Variants in CDH4 observed in about 807,000 individuals in gnomAD.
CDH4 encodes the protein cadherin 4, also known as cadherin-4.
In CDH4, 33 loss-of-function variants were observed where a neutral mutation model predicts 86.0. The ratio of observed to expected loss-of-function variants is 0.38; its 90% CI spans 0.29 to 0.51. CDH4 has a LOEUF of 0.51. CDH4 is among the 20% of genes least tolerant of loss of function. CDH4 has a pLI of 0.86. For missense variants in CDH4, 1,114 were observed against 1,307.4 expected (o/e 0.85, Z 2.28); for synonymous variants, 555 against 549.4 (o/e 1.01, Z -0.14).
intron 2 of CDH4, among the ~76,000 whole-genome samples, chr20:61,561,847 T>C (rs948793502): frequency 6.6e-6 from 1 of 152,244 alleles, no homozygotes; most frequent in African/African-American, 2.4e-5. Context: ...ATAGCTCCTT[T>C]CCTGTGCTGA....
At position 61,922,073 on chromosome 20, in the gene CDH4, C is replaced by T. The variant is rs2054988977; in HGVS notation, c.1375-1378C>T. On this transcript the variant is annotated intron_variant, in intron 9 of 15. Transcript: ENST00000614565. The stretch of plus-strand genomic sequence containing the variant: ...CTCTTTACGGCTGCAAGTGTCTCCC[C>T]ATGCAGATGTACTGCAGGCTGTGCA... Among the ~76,000 whole-genome samples the T allele has an allele frequency of 2.0e-5, 3 of 152,344 alleles. No homozygotes were observed. In the South Asian group the frequency reaches 6.2e-4, roughly 32 times the overall value.
At chr20:61,887,755 G>A (rs1351692264) in intron 7 of CDH4, among the ~76,000 whole-genome samples, 1 of 152,214 alleles carries the variant, frequency 6.6e-6, no homozygotes, top group Non-Finnish European at 1.5e-5. Context: ...TCTCCGCTTG[G>A]ATCCCTCCCT....
chr20:61,442,681 T>C (rs2085320788), intron 2 of CDH4, among the ~76,000 whole-genome samples: 1 of 152,214 alleles, frequency 6.6e-6, no homozygotes, highest in South Asian at 2.1e-4. Context: ...GATCAGTGAC[T>C]TCCAGAGACA....
chr20:61,274,915 GGGAGTACTGTGCACAGTTTGGA>G (rs2084218367), intron 2 of CDH4, among the ~76,000 whole-genome samples: 5 of 149,546 alleles, frequency 3.3e-5, no homozygotes, highest in African/African-American at 9.9e-5. Context: ...TGCAGTTTGG[GGGAGTACTGTGCACAGTTTGGA>G]GGAGTACCAT....
chr20:61,735,984 T>G (rs566273764), intron 2 of CDH4, among the ~76,000 whole-genome samples: 3 of 152,288 alleles, frequency 2.0e-5, no homozygotes, highest in African/African-American at 7.2e-5. Context: ...CTCTTAACAT[T>G]GGGCCCTAAA....
chr20:61,463,747 G>A (rs900975445), intron 2 of CDH4, among the ~76,000 whole-genome samples: 11 of 152,224 alleles, frequency 7.2e-5, no homozygotes, highest in Admixed American at 3.9e-4. Context: ...TCTTGCAACA[G>A]GGGAGAGAGA....
chr20:61,635,144 C>T (rs60239566), intron 2 of CDH4, among the ~76,000 whole-genome samples: 7,140 of 152,202 alleles, frequency 0.047, 217 homozygotes, highest in Middle Eastern at 0.078. Flanking sequence ...CTGTTCCTTA[C>T]GATGTCTGCT....
intron 2 of CDH4, among the ~76,000 whole-genome samples, chr20:61,388,623 G>C (rs978859009): frequency 3.3e-5 from 5 of 152,124 alleles, no homozygotes; most frequent in Non-Finnish European, 5.9e-5. Context: ...CTATTCTGTC[G>C]TTAGCGTTTT....
rs1308482953 is a variant in CDH4, at chr20:61,473,860, C to G, written c.169+218923C>G. Among the ~76,000 whole-genome samples the G allele has an allele frequency of 3.3e-5, 5 of 152,084 alleles. No individual in the cohort carries two copies. In the East Asian group the frequency reaches 5.8e-4, roughly 18 times the overall value. On this transcript the variant is annotated intron_variant, in intron 2 of 15. Transcript: ENST00000614565. ...ACTCAGACACTCACATACCCCTCCT[C>G]TTTTTACAGCCATGTCAAGATAGAA...
At chr20:61,920,835 TG>T (rs2054972089) in intron 9 of CDH4, among the ~76,000 whole-genome samples, 3 of 11,936 alleles carry the variant, frequency 2.5e-4, no homozygotes, top group Non-Finnish European at 1.0e-3. Context: ...CATGGAAACG[TG>T]GTGTGATTGC....
intron 2 of CDH4, among the ~76,000 whole-genome samples, chr20:61,613,831 C>T (rs1019888375): frequency 2.0e-5 from 3 of 151,362 alleles, no homozygotes; most frequent in East Asian, 2.0e-4. Flanking sequence ...TTGTTTCCAA[C>T]ATCCTGAAGC....
At chr20:61,375,545 T>A (rs1315489903) in intron 2 of CDH4, among the ~76,000 whole-genome samples, 1 of 151,048 alleles carries the variant, frequency 6.6e-6, no homozygotes, top group African/African-American at 2.4e-5. Flanking sequence ...AGTGTGATGG[T>A]CTTGGTGGTG....
intron 3 of CDH4, among the ~76,000 whole-genome samples, chr20:61,771,326 AAAAAAAT>A (rs1385183091): frequency 6.6e-6 from 1 of 150,968 alleles, no homozygotes; most frequent in Non-Finnish European, 1.5e-5. Flanking sequence ...TCTATCCTTT[AAAAAAAT>A]GCAGTTGAGG....
intron 2 of CDH4, among the ~76,000 whole-genome samples, chr20:61,602,280 C>T (rs560726975): frequency 6.6e-6 from 1 of 152,314 alleles, no homozygotes; most frequent in African/African-American, 2.4e-5. Flanking sequence ...GGGCTCACTA[C>T]ATCACGCAGG....
At chr20:61,537,082 A>G (rs998805080) in intron 2 of CDH4, among the ~76,000 whole-genome samples, 2 of 152,168 alleles carry the variant, frequency 1.3e-5, no homozygotes, top group Non-Finnish European at 2.9e-5. Flanking sequence ...GCTGGTAGAC[A>G]GGCGTTCACT....
chr20:61,650,724 C>T (rs1050258670), intron 2 of CDH4, among the ~76,000 whole-genome samples: 2 of 152,200 alleles, frequency 1.3e-5, no homozygotes, highest in Non-Finnish European at 2.9e-5. Flanking sequence ...TATTTCCATA[C>T]TTAAAGGTAA....
intron 2 of CDH4, among the ~76,000 whole-genome samples, chr20:61,359,645 C>G (rs927262938): frequency 1.3e-5 from 2 of 152,230 alleles, no homozygotes; most frequent in East Asian, 3.9e-4. Flanking sequence ...TCACTCTCTT[C>G]TCTCCCACAT....
chr20:61,256,062 C>G (rs1399860232), intron 2 of CDH4, among the ~76,000 whole-genome samples: 1 of 152,168 alleles, frequency 6.6e-6, no homozygotes, highest in African/African-American at 2.4e-5. Context: ...ACAGGGCATA[C>G]ATAGTAAAGA....
intron 2 of CDH4, among the ~76,000 whole-genome samples, chr20:61,614,912 C>G (rs1050264008): frequency 6.6e-6 from 1 of 152,014 alleles, no homozygotes; most frequent in Admixed American, 6.5e-5. Context: ...CCCAGCCCAG[C>G]CTCCCAGCAC....
Sources: gnomAD v4.1 joint callset for allele counts (sites outside exome capture counted in the v4.1 genomes callset) on GRCh38, gnomAD v4.1.1 for gene constraint, MANE v1.5 for transcripts, NCBI Gene and HGNC (gene_info 2026-07-23, HGNC 2026-07-21) for gene names.